The following CPNE1 variants were observed in gnomAD, a reference collection of about 807,000 sequenced individuals.
CPNE1 encodes copine-1.
A neutral mutation model predicts 63.2 loss-of-function variants in CPNE1; 58 were observed. The observed-to-expected ratio is 0.92, with a 90% confidence interval of 0.74 to 1.14. The LOEUF (loss-of-function observed/expected upper bound fraction) is 1.14, where lower values mean the gene tolerates loss of function less well. Among genes scored for constraint, CPNE1 ranks in the 50% most tolerant of loss-of-function variants. The pLI, the probability that CPNE1 is intolerant of heterozygous loss-of-function variation, is 0.00. For missense variants in CPNE1, 672 were observed against 661.7 expected (o/e 1.02, Z -0.17); for synonymous variants, 237 against 249.0 (o/e 0.95, Z 0.45).
chr20:35,627,238 C>CCCTTGATT (rs1464776693), intron 14 of CPNE1, 42 bp downstream of exon 14: 1 of 1,525,554 alleles, frequency 6.6e-7, no homozygotes, highest in African/African-American at 1.4e-5. Context: ...CTCAAGGAAG[C>CCCTTGATT]CCTTGATTGC....
At chr20:35,643,872 A>G (rs2032963169) in intron 1 of CPNE1, among the ~76,000 whole-genome samples, 1 of 152,176 alleles carries the variant, frequency 6.6e-6, no homozygotes, top group Non-Finnish European at 1.5e-5. Flanking sequence ...CTCCTTCCCC[A>G]GCAGCTCAGA....
At chr20:35,650,009 G>T (rs1369538005) in intron 1 of CPNE1, 1 of 152,574 alleles carries the variant, frequency 6.6e-6, no homozygotes, top group Admixed American at 6.5e-5. Context: ...AAATTCGCAG[G>T]AAGAGAGGTA....
intron 1 of CPNE1, chr20:35,653,481 A>G (rs2033686545): frequency 6.2e-7 from 1 of 1,614,180 alleles, no homozygotes; most frequent in South Asian, 1.1e-5. Context: ...CATGAACAAA[A>G]GCTTCTCTCC....
At chr20:35,636,347 CAAAT>C (rs763175730) in intron 1 of CPNE1, among the ~76,000 whole-genome samples, 4 of 152,126 alleles carry the variant, frequency 2.6e-5, no homozygotes, top group Non-Finnish European at 4.4e-5. Flanking sequence ...AGTACAGAGA[CAAAT>C]AAAAAAGAAT....
At chr20:35,664,661 C>G (rs2034440779) in intron 1 of CPNE1, 99 bp downstream of exon 1, 1 of 152,488 alleles carries the variant, frequency 6.6e-6, no homozygotes, top group Admixed American at 6.5e-5. Flanking sequence ...GCGCTAGTTG[C>G]CGCGGGCTCG....
At chr20:35,659,166 G>GT (rs1568943882) in intron 1 of CPNE1, among the ~76,000 whole-genome samples, 10 of 149,538 alleles carry the variant, frequency 6.7e-5, no homozygotes, top group African/African-American at 1.7e-4. Flanking sequence ...GAAAGACACC[G>GT]TAACAAAATC....
intron 1 of CPNE1, among the ~76,000 whole-genome samples, chr20:35,635,803 T>C (rs1374974384): frequency 6.6e-6 from 1 of 152,192 alleles, no homozygotes; most frequent in African/African-American, 2.4e-5. Flanking sequence ...CAGCACCTCA[T>C]CTTGGTCCCT....
intron 5 of CPNE1, 50 bp from the exon 6 acceptor site, chr20:35,632,075 T>C: frequency 6.2e-7 from 1 of 1,604,804 alleles, no homozygotes; most frequent in Non-Finnish European, 8.5e-7. Flanking sequence ...ACAACCATTA[T>C]GCCATCCCTC....
intron 1 of CPNE1, among the ~76,000 whole-genome samples, chr20:35,647,897 G>GAAAAAAA (rs11481740): frequency 1.0e-5 from 1 of 98,742 alleles, no homozygotes; most frequent in African/African-American, 3.5e-5. Flanking sequence ...TACTAAAAAT[G>GAAAAAAA]AAAAAAAAAA....
chr20:35,633,770 T>A (rs1282814866), intron 1 of CPNE1, among the ~76,000 whole-genome samples: 1 of 150,526 alleles, frequency 6.6e-6, no homozygotes, highest in Admixed American at 6.6e-5. Context: ...CTGGCCAACA[T>A]GGTGAAACCC....
intron 1 of CPNE1, chr20:35,651,687 G>A (rs2033530727): frequency 6.6e-6 from 1 of 152,518 alleles, no homozygotes; most frequent in Admixed American, 6.5e-5. Flanking sequence ...GTGGTTTCTG[G>A]TTTTCGATAC....
intron 1 of CPNE1, chr20:35,654,938 G>T (rs191944725): frequency 4.3e-6 from 7 of 1,614,014 alleles, no homozygotes; most frequent in Admixed American, 1.7e-5. Flanking sequence ...CTGGGTGATG[G>T]ATTATTAAAG....
chr20:35,660,181 C>A (rs2034152242), intron 1 of CPNE1, among the ~76,000 whole-genome samples: 1 of 152,104 alleles, frequency 6.6e-6, no homozygotes, highest in Non-Finnish European at 1.5e-5. Flanking sequence ...TAATCTTTTA[C>A]ATGTTGTAGA....
intron 1 of CPNE1, chr20:35,652,835 C>CGGGGCT: frequency 6.2e-7 from 1 of 1,607,200 alleles, no homozygotes; most frequent in Non-Finnish European, 8.5e-7. Flanking sequence ...GGGCCGGGGC[C>CGGGGCT]GGGGCCAGGC....
At chr20:35,638,416 AATT>A (rs1194356466) in intron 1 of CPNE1, among the ~76,000 whole-genome samples, 3 of 152,236 alleles carry the variant, frequency 2.0e-5, no homozygotes, top group African/African-American at 7.2e-5. Flanking sequence ...CCACAGCGTT[AATT>A]ATCAGGGAAA....
At chr20:35,637,357 A>G (rs530219779) in intron 1 of CPNE1, among the ~76,000 whole-genome samples, 2 of 152,252 alleles carry the variant, frequency 1.3e-5, no homozygotes, top group Admixed American at 6.5e-5. Context: ...ACATACCTAC[A>G]TAGAATTTGG....
At chr20:35,627,661 C>G in intron 13 of CPNE1, 1 of 378,380 alleles carries the variant, frequency 2.6e-6, no homozygotes, top group East Asian at 4.3e-5. Flanking sequence ...TGGACAAATC[C>G]AGGAGAGTTT....
In CPNE1 at chr20:35,654,084, C is replaced by T. The variant is rs757398218; in HGVS notation, c.-1+10676G>A. 1.7e-5 allele frequency: 28 copies of T among 1,614,018 alleles called. No individual in the cohort carries two copies. In the South Asian group the frequency reaches 2.9e-4, roughly 16 times the overall value. On this transcript the variant is annotated intron_variant, in intron 1 of 15. Transcript: ENST00000397443. ...ACCTTGATCTTTTCTGCCCACTGGGCGATTTTGACCTGGGAAGTGTCTGAG... is the reference window on the plus strand; with the variant it reads ...ACCTTGATCTTTTCTGCCCACTGGGTGATTTTGACCTGGGAAGTGTCTGAG...
intron 1 of CPNE1, chr20:35,655,290 T>C (rs1024705470): frequency 3.1e-6 from 5 of 1,611,632 alleles, no homozygotes; most frequent in Non-Finnish European, 4.2e-6. Context: ...CCGCCACAAT[T>C]GGGAGACCTT....
Sources: gnomAD v4.1 joint callset for allele counts (sites outside exome capture counted in the v4.1 genomes callset) on GRCh38, gnomAD v4.1.1 for gene constraint, MANE v1.5 for transcripts, NCBI Gene and HGNC (gene_info 2026-07-23, HGNC 2026-07-21) for gene names.